The following DLGAP2 variants were observed in gnomAD, a reference collection of about 807,000 sequenced individuals.
DLGAP2 encodes the protein DLG associated protein 2, also known as disks large-associated protein 2.
A neutral mutation model predicts 100.3 loss-of-function variants in DLGAP2; 26 were observed. The ratio of observed to expected loss-of-function variants is 0.26; its 90% CI spans 0.19 to 0.36. DLGAP2 has a LOEUF of 0.36. DLGAP2 is among the 10% of genes least tolerant of loss of function. The probability of loss-of-function intolerance (pLI) is 1.00; values close to 1 mark genes in which losing one functional copy is unlikely to be tolerated. For synonymous variants in DLGAP2, 886 were observed against 630.1 expected, an observed-to-expected ratio of 1.41 and a Z score of -6.08; for missense variants, 1,858 against 1,453.2, an observed-to-expected ratio of 1.28 and a Z score of -4.53.
intron 2 of DLGAP2, among the ~76,000 whole-genome samples, chr8:1,206,244 C>T (rs895635485): frequency 1.3e-5 from 2 of 152,086 alleles, no homozygotes; most frequent in Non-Finnish European, 2.9e-5. Flanking sequence ...GGCCACGCAC[C>T]ACTGGGCACT....
intron 2 of DLGAP2, among the ~76,000 whole-genome samples, chr8:998,100 AACAT>A (rs1800837967): frequency 6.6e-6 from 1 of 152,190 alleles, no homozygotes; most frequent in African/African-American, 2.4e-5. Flanking sequence ...TCTGCACAGA[AACAT>A]ACACACGTGT....
intron 2 of DLGAP2, among the ~76,000 whole-genome samples, chr8:1,116,450 C>T (rs76153602): frequency 0.017 from 2,619 of 152,256 alleles, 75 homozygotes; most frequent in African/African-American, 0.059. Flanking sequence ...CTTATTTCTT[C>T]AGTTTCTTTA....
At chr8:925,998 A>G (rs1446205568) in intron 2 of DLGAP2, among the ~76,000 whole-genome samples, 1 of 152,174 alleles carries the variant, frequency 6.6e-6, no homozygotes, top group Non-Finnish European at 1.5e-5. Context: ...TTACTCAGTG[A>G]GTAACTCACT....
intron 2 of DLGAP2, among the ~76,000 whole-genome samples, chr8:966,537 T>C (rs2129011312): frequency 6.6e-6 from 1 of 152,362 alleles, no homozygotes; most frequent in Middle Eastern, 3.4e-3. Context: ...TTTAAAAGTT[T>C]TTAATTTTCA....
Position 765,434 on chromosome 8 carries a change from A to G in DLGAP2, c.18+27609A>G, listed in dbSNP as rs114733759. ...AGGAGTCTAACAGTGTTAGTGCCAT[A>G]TGTTGGTGGAGATCATTTTTGTTGA... On this transcript the variant is annotated intron_variant, in intron 1 of 14. Coordinates refer to ENST00000637795, the MANE Select transcript of DLGAP2 (RefSeq NM_001346810.2). Among the ~76,000 whole-genome samples the G allele has an allele frequency of 6.7e-3, 1,021 of 152,272 alleles. 11 individuals are homozygous for G. The highest frequency in any genetic ancestry group is 0.023 in the African/African-American group (969 of 41,542).
At chr8:964,468 C>T (rs548774826) in intron 2 of DLGAP2, among the ~76,000 whole-genome samples, 2 of 152,358 alleles carry the variant, frequency 1.3e-5, no homozygotes, top group Admixed American at 6.5e-5. Context: ...CAAAGCCTAT[C>T]GTAAGTCAAG....
intron 1 of DLGAP2, among the ~76,000 whole-genome samples, chr8:872,491 G>A (rs1289794396): frequency 1.3e-5 from 2 of 151,890 alleles, no homozygotes; most frequent in African/African-American, 4.8e-5. Flanking sequence ...GTGCCACCAC[G>A]CCCGGCTAAT....
At chr8:1,090,155 T>C (rs559185835) in intron 2 of DLGAP2, among the ~76,000 whole-genome samples, 6 of 141,362 alleles carry the variant, frequency 4.2e-5, no homozygotes, top group Admixed American at 1.4e-4. Flanking sequence ...GGAGCCCTCC[T>C]GGCCAGACAG....
At chr8:1,143,149 G>A (rs1386314920) in intron 2 of DLGAP2, among the ~76,000 whole-genome samples, 1 of 152,082 alleles carries the variant, frequency 6.6e-6, no homozygotes, top group Admixed American at 6.5e-5. Context: ...ATAAATTGGG[G>A]GAAACAGTCT....
chr8:1,177,024 A>T (rs527237446), intron 2 of DLGAP2, among the ~76,000 whole-genome samples: 2 of 152,352 alleles, frequency 1.3e-5, no homozygotes, highest in South Asian at 4.1e-4. Context: ...CCTTGAGATC[A>T]TCGTTGATGT....
Position 800,906 on chromosome 8 carries a change from C to T in DLGAP2, c.18+63081C>T, listed in dbSNP as rs146513862. Among the ~76,000 whole-genome samples, 252 of 152,094 alleles carry T rather than the reference C, an allele frequency of 1.7e-3. 1 individual carries two copies. The highest frequency in any genetic ancestry group is 6.8e-3 in the Middle Eastern group (2 of 292). On this transcript the variant is annotated intron_variant, in intron 1 of 14. Transcript: ENST00000637795. Reference sequence around the variant, plus strand: ...GCAATCCCCGGCCGTGCTGTGTCCTCGCCCCCTCAAATGCTGCTCCTCTCC... The same window carrying T: ...GCAATCCCCGGCCGTGCTGTGTCCTTGCCCCCTCAAATGCTGCTCCTCTCC...
chr8:1,510,073 G>C (rs988357194), intron 4 of DLGAP2, among the ~76,000 whole-genome samples: 1 of 152,224 alleles, frequency 6.6e-6, no homozygotes, highest in African/African-American at 2.4e-5. Flanking sequence ...TGTAATTTTA[G>C]ATTCTGAAGA....
At chr8:789,701 A>G (rs1365414932) in intron 1 of DLGAP2, among the ~76,000 whole-genome samples, 8 of 152,210 alleles carry the variant, frequency 5.3e-5, no homozygotes, top group African/African-American at 7.2e-5. Flanking sequence ...TGTAACTCCA[A>G]TGCATTCCAG....
chr8:953,030 T>G (rs896259404), intron 2 of DLGAP2, among the ~76,000 whole-genome samples: 19 of 152,230 alleles, frequency 1.2e-4, no homozygotes, highest in Admixed American at 4.6e-4. Flanking sequence ...ATTGGTTCAC[T>G]GAATTATGCA....
intron 4 of DLGAP2, among the ~76,000 whole-genome samples, chr8:1,532,368 CA>C (rs1801014380): frequency 6.6e-6 from 1 of 152,090 alleles, no homozygotes; most frequent in African/African-American, 2.4e-5. Context: ...TTTGTATTTG[CA>C]AATCAAATTA....
intron 2 of DLGAP2, among the ~76,000 whole-genome samples, chr8:1,189,000 G>A (rs1198962606): frequency 1.3e-5 from 2 of 149,694 alleles, no homozygotes; most frequent in Non-Finnish European, 2.9e-5. Flanking sequence ...TTCCGCGGTT[G>A]GGGTTGACCT....
chr8:1,575,548 C>T (rs559236664), intron 6 of DLGAP2, among the ~76,000 whole-genome samples: 1 of 149,932 alleles, frequency 6.7e-6, no homozygotes, highest in South Asian at 2.1e-4. Context: ...ATACATGTGC[C>T]ATGTTGGTGT....
intron 3 of DLGAP2, among the ~76,000 whole-genome samples, chr8:1,345,335 C>A (rs946113135): frequency 6.7e-6 from 1 of 149,390 alleles, no homozygotes; most frequent in Non-Finnish European, 1.5e-5. Flanking sequence ...TTTCTCTTCG[C>A]CAAACACACT....
intron 4 of DLGAP2, among the ~76,000 whole-genome samples, chr8:1,520,304 C>T (rs1265992628): frequency 6.6e-6 from 1 of 152,170 alleles, no homozygotes; most frequent in Non-Finnish European, 1.5e-5. Context: ...GGGAGCGATG[C>T]AATCGGGGAA....
Sources: gnomAD v4.1 joint callset for allele counts (sites outside exome capture counted in the v4.1 genomes callset) on GRCh38, gnomAD v4.1.1 for gene constraint, MANE v1.5 for transcripts, NCBI Gene and HGNC (gene_info 2026-07-23, HGNC 2026-07-21) for gene names.